The following PCDHA5 variants were observed in gnomAD, a reference collection of about 807,000 sequenced individuals.
PCDHA5 encodes protocadherin alpha-5.
In PCDHA5, 43 loss-of-function variants were observed where a neutral mutation model predicts 61.6. The ratio of observed to expected loss-of-function variants is 0.70; its 90% CI spans 0.55 to 0.90. PCDHA5 has a LOEUF of 0.90. Ranked by LOEUF, PCDHA5 falls within the 40% of genes least tolerant of loss-of-function variation. The pLI, the probability that PCDHA5 is intolerant of heterozygous loss-of-function variation, is 0.00. For missense variants in PCDHA5, 1,298 were observed against 1,222.7 expected (o/e 1.06, Z -0.92); for synonymous variants, 627 against 543.9 (o/e 1.15, Z -2.13).
rs1554228572 is a variant in PCDHA5 at position 140,966,716 on chromosome 5, G to A, written c.2353-12233G>A. On this transcript the variant is annotated intron_variant, in intron 1 of 3. Transcript: ENST00000529859. Reference sequence around the variant, plus strand: ...GGCCCGGGCGTGGGGCACGGCTGGGGAAGCTGCCGCCTCCGGCCCTGCCCG... The same window carrying A: ...GGCCCGGGCGTGGGGCACGGCTGGGAAAGCTGCCGCCTCCGGCCCTGCCCG... The A allele has an allele frequency of 2.3e-5, 32 of 1,394,682 alleles. No homozygotes were observed. The South Asian group carries it at 5.0e-4, about 22-fold the overall frequency. The allele number at this position is 1,394,682 out of a possible 1,614,324, so 86.4% of individuals were successfully genotyped here. A position where few individuals can be genotyped will look rare whatever the true frequency, so the allele number is the denominator to read the frequency against.
At chr5:140,838,083 T>TA (rs1554136873) in intron 1 of PCDHA5, among the ~76,000 whole-genome samples, 32 of 31,830 alleles carry the variant, frequency 1.0e-3, no homozygotes, top group African/African-American at 3.5e-3. Flanking sequence ...ATATAGTGTG[T>TA]GTGTGTGTGT....
At chr5:140,862,844 C>G (rs782433146) in intron 1 of PCDHA5, 1 of 571,262 alleles carries the variant, frequency 1.8e-6, no homozygotes. Flanking sequence ...GGCATGCCGC[C>G]TCTGAGCAGC....
intron 2 of PCDHA5, chr5:140,982,257 G>A: frequency 1.2e-6 from 1 of 804,182 alleles, no homozygotes; most frequent in Admixed American, 3.3e-5. Context: ...TAGAACATGT[G>A]TGTTCCTGGA....
chr5:141,011,102 CT>C lies in PCDHA5; in HGVS notation c.*1166del, dbSNP rs2098419453. The C allele has an allele frequency of 1.3e-5, 2 of 153,744 alleles. No homozygotes were observed. The highest frequency in any genetic ancestry group is 6.5e-5 in the Admixed American group (1 of 15,280). The allele number at this position is 153,744 out of a possible 1,614,324, so 9.5% of individuals were successfully genotyped here. On this transcript the variant is annotated 3_prime_UTR_variant, in exon 4 of 4. Transcript: ENST00000529859. ...ATGATCTCTCTTTCTCTCTCTCTCT[CT>C]CTTTTCTAAGAAACAATTATGTGCA...
Position 140,925,562 on chromosome 5 carries a change from G to A in PCDHA5, c.2353-53387G>A, listed in dbSNP as rs28620116. On this transcript the variant is annotated intron_variant, in intron 1 of 3. Transcript: ENST00000529859. ...ACCTAATGTAAATGACAAGTTAATG[G>A]GTGCAGCACACCAACATGGCGCATG... 5.5e-3 allele frequency among the ~76,000 whole-genome samples: 841 copies of A among 151,670 alleles called. 7 individuals carry two copies. The highest frequency in any genetic ancestry group is 0.018 in the African/African-American group (764 of 41,334).
At chr5:140,897,130 C>A (rs913808184) in intron 1 of PCDHA5, among the ~76,000 whole-genome samples, 11 of 152,118 alleles carry the variant, frequency 7.2e-5, no homozygotes, top group Non-Finnish European at 5.9e-5. Flanking sequence ...CCCCACTAAA[C>A]TTTCTAGCCT....
intron 1 of PCDHA5, chr5:140,883,733 C>G (rs1554179634): frequency 3.1e-6 from 5 of 1,613,458 alleles, no homozygotes; most frequent in African/African-American, 1.3e-5. Flanking sequence ...GGAGAACGCG[C>G]TGGTCTCCTA....
At chr5:140,848,419 T>C in intron 1 of PCDHA5, 1 of 1,412,874 alleles carries the variant, frequency 7.1e-7, no homozygotes, top group Non-Finnish European at 9.7e-7. Context: ...CACAGCAGAA[T>C]GGGACTGACG....
intron 1 of PCDHA5, chr5:140,829,518 C>T (rs782037599): frequency 1.9e-6 from 3 of 1,613,400 alleles, no homozygotes; most frequent in African/African-American, 2.7e-5. Flanking sequence ...CACATCTTCA[C>T]GGTGTCTGCG....
rs886912020 is a variant in PCDHA5, at chr5:140,823,492, G to A, written c.1717G>A (p.Gly573Ser). The A allele has an allele frequency of 6.2e-7, 1 of 1,613,280 alleles. No individual in the cohort carries two copies. Among genetic ancestry groups the A allele is most frequent in the East Asian group, 2.2e-5 (1 of 44,850 alleles). The change falls in exon 1 of 4, where the codon GGC becomes AGC. Residue 573 changes from glycine to serine, a missense_variant. By Grantham distance (56) the Gly-to-Ser change is moderately conservative (BLOSUM62 0). Transcript: ENST00000529859. Reference sequence around the variant, plus strand: ...GCTGGTGCCTCGAGTGGGTGGCACCGGCGGCGCAGTGAGCGAGCTGGTGCC... The same window carrying A: ...GCTGGTGCCTCGAGTGGGTGGCACCAGCGGCGCAGTGAGCGAGCTGGTGCC... ...ALLVPRVGGTGGAVSELVPRS... is the reference protein window; with the variant it reads ...ALLVPRVGGTSGAVSELVPRS...
chr5:140,880,645 C>T (rs535367313), intron 1 of PCDHA5, among the ~76,000 whole-genome samples: 5 of 152,148 alleles, frequency 3.3e-5, no homozygotes, highest in Admixed American at 3.3e-4. Flanking sequence ...CACTTGAGAG[C>T]CCAACTGAGG....
intron 1 of PCDHA5, among the ~76,000 whole-genome samples, chr5:140,945,682 G>GT (rs1325077083): frequency 6.6e-6 from 1 of 152,010 alleles, no homozygotes; most frequent in African/African-American, 2.4e-5. Context: ...AATCCACACA[G>GT]TTACTGTCCA....
At position 141,009,757 on chromosome 5, in the gene PCDHA5, A is replaced by G; in HGVS notation, c.2631A>G (p.Pro877=). 6.2e-7 allele frequency: 1 copy of G among 1,614,200 alleles called. No individual in the cohort carries two copies. Among genetic ancestry groups the G allele is most frequent in the Non-Finnish European group, 8.5e-7 (1 of 1,180,036 alleles). Residue 877 remains proline (P), a synonymous_variant, in exon 4 of 4, where the codon CCA becomes CCG. Coordinates refer to ENST00000529859, the MANE Select transcript of PCDHA5 (RefSeq NM_018908.3). ...AGTTGCCCGACAAATTCATTATCCCAGGATCTCCTGCAATCATCTCCATCC... is the reference window on the plus strand; with the variant it reads ...AGTTGCCCGACAAATTCATTATCCCGGGATCTCCTGCAATCATCTCCATCC... ...PGELPDKFII[P]GSPAIISIRQ... is the part of the protein sequence containing the mutation.
At chr5:140,979,175 A>C in intron 2 of PCDHA5, 168 bp downstream of exon 2, 8 of 951,628 alleles carry the variant, frequency 8.4e-6, no homozygotes, top group Non-Finnish European at 1.0e-5. Flanking sequence ...AAAGATCGCA[A>C]ATGGTCAGTG....
chr5:140,994,412 G>C (rs1412198813), intron 3 of PCDHA5, among the ~76,000 whole-genome samples: 1 of 152,068 alleles, frequency 6.6e-6, no homozygotes, highest in Non-Finnish European at 1.5e-5. Flanking sequence ...ATTTAATACT[G>C]GATATTGAGG....
At chr5:141,007,777 T>G (rs1467527710) in intron 3 of PCDHA5, among the ~76,000 whole-genome samples, 2 of 152,226 alleles carry the variant, frequency 1.3e-5, no homozygotes, top group Non-Finnish European at 2.9e-5. Flanking sequence ...GAAATGGTAC[T>G]GCTTTACAAA....
chr5:140,901,331 G>A (rs545187943), intron 1 of PCDHA5, among the ~76,000 whole-genome samples: 66 of 152,062 alleles, frequency 4.3e-4, no homozygotes, highest in Non-Finnish European at 7.1e-4. Flanking sequence ...TCTTGTAGTC[G>A]TTTTATAGTT....
chr5:140,905,047 C>A (rs2071568223), intron 1 of PCDHA5, among the ~76,000 whole-genome samples: 1 of 152,076 alleles, frequency 6.6e-6, no homozygotes, highest in Non-Finnish European at 1.5e-5. Context: ...TTAATTAGGT[C>A]CCATTTATTT....
rs371830340 is a variant in PCDHA5 at position 140,947,864 on chromosome 5, C to G, written c.2353-31085C>G. Reference sequence around the variant, plus strand: ...TTTATTTATTTTGTCATTATAATGGCTAGGACTTCCAGGACAATATAAACA... The same window carrying G: ...TTTATTTATTTTGTCATTATAATGGGTAGGACTTCCAGGACAATATAAACA... On this transcript the variant is annotated intron_variant, in intron 1 of 3. Coordinates refer to ENST00000529859, the MANE Select transcript of PCDHA5 (RefSeq NM_018908.3). Among the ~76,000 whole-genome samples the G allele has an allele frequency of 1.4e-4, 21 of 151,554 alleles. No homozygotes were observed. The East Asian group carries it at 2.3e-3, about 17-fold the overall frequency.
Sources: gnomAD v4.1 joint callset for allele counts (sites outside exome capture counted in the v4.1 genomes callset) on GRCh38, gnomAD v4.1.1 for gene constraint, MANE v1.5 for transcripts, NCBI Gene and HGNC (gene_info 2026-07-23, HGNC 2026-07-21) for gene names.